The following CHCHD6 variants were observed in gnomAD, a reference collection of about 807,000 sequenced individuals.
CHCHD6 encodes the protein MICOS complex subunit MIC25.
CHCHD6 carries 28 observed loss-of-function variants against 32.3 expected under a neutral mutation model. The observed-to-expected ratio is 0.87, with a 90% CI of 0.64 to 1.19. The LOEUF is 1.19. CHCHD6 is among the 50% of genes most tolerant of loss of function. The probability of loss-of-function intolerance (pLI) is 0.00; values close to 1 mark genes in which losing one functional copy is unlikely to be tolerated. For synonymous variants in CHCHD6, 122 were observed against 117.5 expected (o/e 1.04, Z -0.25); for missense variants, 333 against 307.0 (o/e 1.08, Z -0.63).
chr3:126,766,529 C>T, intron 4 of CHCHD6: 1 of 843,628 alleles, frequency 1.2e-6, no homozygotes, highest in South Asian at 1.3e-5. Flanking sequence ...TGTGAGTAGC[C>T]CATGGTGACC....
At chr3:126,802,229 G>C (rs1243288310) in intron 4 of CHCHD6, among the ~76,000 whole-genome samples, 3 of 152,224 alleles carry the variant, frequency 2.0e-5, no homozygotes, top group Non-Finnish European at 4.4e-5. Context: ...ACTTTGATGA[G>C]TTGAGAGAAG....
chr3:126,758,641 T>C (rs1937054003), intron 4 of CHCHD6, among the ~76,000 whole-genome samples: 1 of 152,228 alleles, frequency 6.6e-6, no homozygotes, highest in Non-Finnish European at 1.5e-5. Context: ...GTCCCATTTT[T>C]AGCAATTGGC....
chr3:126,859,908 G>A (rs1421438328), intron 5 of CHCHD6, among the ~76,000 whole-genome samples: 1 of 152,234 alleles, frequency 6.6e-6, no homozygotes, highest in African/African-American at 2.4e-5. Flanking sequence ...CGTGAGCTGT[G>A]TTGAGGATGC....
At chr3:126,783,020 G>A (rs1240489785) in intron 4 of CHCHD6, among the ~76,000 whole-genome samples, 1 of 152,088 alleles carries the variant, frequency 6.6e-6, no homozygotes, top group Non-Finnish European at 1.5e-5. Flanking sequence ...ATTAACTATA[G>A]TCACCATTCT....
intron 5 of CHCHD6, among the ~76,000 whole-genome samples, chr3:126,873,678 C>T (rs1271180243): frequency 3.3e-5 from 5 of 152,230 alleles, no homozygotes; most frequent in Non-Finnish European, 5.9e-5. Flanking sequence ...AGGATGGCTT[C>T]TCCCAGAGGT....
intron 6 of CHCHD6, among the ~76,000 whole-genome samples, chr3:126,924,145 G>A (rs1477953442): frequency 6.6e-6 from 1 of 152,184 alleles, no homozygotes; most frequent in Non-Finnish European, 1.5e-5. Context: ...GTGCATGCTG[G>A]CCTGCAAAGG....
At chr3:126,818,083 G>A (rs1939985909) in intron 4 of CHCHD6, among the ~76,000 whole-genome samples, 1 of 152,186 alleles carries the variant, frequency 6.6e-6, no homozygotes, top group South Asian at 2.1e-4. Context: ...GTAAAGCAAA[G>A]TCTGGCAGGG....
At position 126,785,997 on chromosome 3, in the gene CHCHD6, G is replaced by A. The variant is rs149724940; in HGVS notation, c.411+52775G>A. On this transcript the variant is annotated intron_variant, in intron 4 of 7. Coordinates refer to ENST00000290913, the MANE Select transcript of CHCHD6 (RefSeq NM_032343.3). Reference sequence around the variant, plus strand: ...TCCCTCTTCCCCCACCCCACAACAGGCCCCAGTGTGTGATGTTCCCCTTCC... The same window carrying A: ...TCCCTCTTCCCCCACCCCACAACAGACCCCAGTGTGTGATGTTCCCCTTCC... Among the ~76,000 whole-genome samples, 875 of 152,110 alleles carry A rather than the reference G, an allele frequency of 5.8e-3. 5 individuals carry two copies. The highest frequency in any genetic ancestry group is 0.019 in the African/African-American group (793 of 41,498).
At chr3:126,830,645 G>A (rs1042514199) in intron 4 of CHCHD6, among the ~76,000 whole-genome samples, 1 of 152,138 alleles carries the variant, frequency 6.6e-6, no homozygotes, top group African/African-American at 2.4e-5. Flanking sequence ...TTGGGTTTCC[G>A]GTCTCATTGT....
intron 4 of CHCHD6, among the ~76,000 whole-genome samples, chr3:126,800,453 A>G (rs571576880): frequency 4.7e-4 from 71 of 152,216 alleles, no homozygotes; most frequent in Non-Finnish European, 8.2e-4. Context: ...GCCACTTACC[A>G]GGGTGTCCCC....
chr3:126,716,965 G>A lies in CHCHD6; in HGVS notation c.88-10113G>A, dbSNP rs574945668. On this transcript the variant is annotated intron_variant, in intron 1 of 7. Coordinates refer to ENST00000290913, the MANE Select transcript of CHCHD6 (RefSeq NM_032343.3). ...TATCGCTTTAGCTTCTGTAGTGGTT[G>A]TCCTTTCTAGGGGCCTGAGTGCTGC... is the stretch of plus-strand genomic sequence containing the variant. Among the ~76,000 whole-genome samples the A allele has an allele frequency of 9.2e-5, 14 of 152,258 alleles. No homozygotes were observed. In the East Asian group the frequency reaches 9.7e-4, roughly 11 times the overall value.
At position 126,706,304 on chromosome 3, in the gene CHCHD6, T is replaced by C. The variant is rs560157973; in HGVS notation, c.87+1905T>C. ...ACTTCTGCAACATATAAATTCTCTG[T>C]ATTTAAAGATGGAGAATTGAGCTTA... On this transcript the variant is annotated intron_variant, in intron 1 of 7. Coordinates refer to ENST00000290913, the MANE Select transcript of CHCHD6 (RefSeq NM_032343.3). 5.9e-5 allele frequency among the ~76,000 whole-genome samples: 9 copies of C among 152,344 alleles called. No homozygotes were observed. The South Asian group carries it at 1.9e-3, about 32-fold the overall frequency.
intron 4 of CHCHD6, among the ~76,000 whole-genome samples, chr3:126,802,092 G>A (rs892942544): frequency 9.9e-5 from 15 of 152,246 alleles, no homozygotes; most frequent in African/African-American, 3.6e-4. Context: ...ACCAAAAGTA[G>A]ATAAAACCAC....
In CHCHD6 at chr3:126,797,819, T is replaced by C. The variant is rs141164271; in HGVS notation, c.412-54828T>C. ...AGGCTCCTGACCCAAGCTCTGCCACTCGGTGTGGTGTGGCACACCAAGCTC... is the reference window on the plus strand; with the variant it reads ...AGGCTCCTGACCCAAGCTCTGCCACCCGGTGTGGTGTGGCACACCAAGCTC... On this transcript the variant is annotated intron_variant, in intron 4 of 7. Coordinates refer to ENST00000290913, the MANE Select transcript of CHCHD6 (RefSeq NM_032343.3). 6.1e-3 allele frequency among the ~76,000 whole-genome samples: 926 copies of C among 152,208 alleles called. 8 individuals are homozygous for C. Among genetic ancestry groups the C allele is most frequent in the African/African-American group, 0.021 (885 of 41,522 alleles).
chr3:126,865,844 C>T lies in CHCHD6; in HGVS notation c.495+13114C>T, dbSNP rs143929034. ...TCTCTGAGGTAAGGGGAAGCAGAAA[C>T]TGCAACCTCTCTTGCACTCTAGAGA... On this transcript the variant is annotated intron_variant, in intron 5 of 7. Coordinates refer to ENST00000290913, the MANE Select transcript of CHCHD6 (RefSeq NM_032343.3). The T allele has an allele frequency of 1.3e-4, 92 of 714,634 alleles. 1 individual carries two copies. The African/African-American group carries it at 1.8e-3, about 14-fold the overall frequency. 44.3% of individuals were successfully genotyped at this position (714,634 alleles called of 1,614,324 possible).
In CHCHD6 at chr3:126,922,397, A is replaced by G. The variant is rs1341613971; in HGVS notation, c.566+7647A>G. On this transcript the variant is annotated intron_variant, in intron 6 of 7. Transcript: ENST00000290913. ...CTACTTCTGTCAGCTTCTTATGAAA[A>G]CCAGATAAATGTGATAATCCACATT... Among the ~76,000 whole-genome samples, 3 of 152,172 alleles carry G rather than the reference A, an allele frequency of 2.0e-5. No individual in the cohort carries two copies. In the East Asian group the frequency reaches 5.8e-4, roughly 29 times the overall value.
chr3:126,895,904 C>T (rs1468921130), intron 5 of CHCHD6, among the ~76,000 whole-genome samples: 1 of 152,220 alleles, frequency 6.6e-6, no homozygotes, highest in African/African-American at 2.4e-5. Context: ...GCCTCTGCTG[C>T]ACCGAAGGAC....
intron 4 of CHCHD6, among the ~76,000 whole-genome samples, chr3:126,753,200 A>C (rs962686758): frequency 6.6e-6 from 1 of 152,140 alleles, no homozygotes; most frequent in African/African-American, 2.4e-5. Flanking sequence ...TTCAGGGCCC[A>C]GGGAAGGCAC....
intron 2 of CHCHD6, among the ~76,000 whole-genome samples, chr3:126,727,907 G>C (rs886412085): frequency 2.6e-5 from 4 of 151,988 alleles, no homozygotes; most frequent in Non-Finnish European, 4.4e-5. Flanking sequence ...AAAGTCCTTG[G>C]AGCAACTGCT....
Sources: allele counts gnomAD v4.1 joint callset (sites outside exome capture counted in the v4.1 genomes callset), GRCh38; gene constraint gnomAD v4.1.1; transcripts MANE v1.5; gene names NCBI Gene and HGNC (gene_info 2026-07-23, HGNC 2026-07-21).